AGPAT4: variants seen among roughly 807,000 people sequenced by gnomAD.
AGPAT4 encodes 1-acyl-sn-glycerol-3-phosphate acyltransferase delta.
AGPAT4 carries 15 observed loss-of-function variants against 48.0 expected under a neutral mutation model. The ratio of observed to expected loss-of-function variants is 0.31; its 90% confidence interval spans 0.21 to 0.48. The LOEUF (loss-of-function observed/expected upper bound fraction) is 0.48, where lower values mean the gene tolerates loss of function less well. Ranked by LOEUF, AGPAT4 falls within the 20% of genes least tolerant of loss-of-function variation. The probability of loss-of-function intolerance (pLI) is 0.99; values close to 1 mark genes in which losing one functional copy is unlikely to be tolerated. For synonymous variants in AGPAT4, 178 were observed against 198.7 expected (o/e 0.90, Z 0.88); for missense variants, 314 against 482.5 (o/e 0.65, Z 3.27).
At position 161,220,490 on chromosome 6, in the gene AGPAT4, G is replaced by A. The variant is rs886674875; in HGVS notation, c.178+11546C>T. ...CTAGAAGTATATGGAACAACAGAAC[G>A]GATGGCCTTGGTGAGATGACTTCAT... On this transcript the variant is annotated intron_variant, in intron 2 of 8. Coordinates refer to ENST00000320285, the MANE Select transcript of AGPAT4 (RefSeq NM_020133.3). The surrounding 1 kb of genome is among the most constrained non-coding windows in gnomAD (Gnocchi z 6.0). Among the ~76,000 whole-genome samples the A allele has an allele frequency of 3.9e-5, 6 of 152,132 alleles. No individual in the cohort carries two copies. The highest frequency in any genetic ancestry group is 1.9e-4 in the East Asian group (1 of 5,184).
chr6:161,206,463 G>A lies in AGPAT4; in HGVS notation c.178+25573C>T, dbSNP rs1781381268. Among the ~76,000 whole-genome samples the A allele has an allele frequency of 6.6e-6, 1 of 152,140 alleles. No homozygotes were observed. The highest frequency in any genetic ancestry group is 2.4e-5 in the African/African-American group (1 of 41,428). On this transcript the variant is annotated intron_variant, in intron 2 of 8. Coordinates refer to ENST00000320285, the MANE Select transcript of AGPAT4 (RefSeq NM_020133.3). This position sits in a 1 kb window ranked among gnomAD's most constrained non-coding sequence, Gnocchi z 4.8. ...AATGAGACACCCTTCTCCCATCCAG[G>A]TGTCACTGGGGGCAGAGTGGGGAAC... is the stretch of plus-strand genomic sequence containing the variant.
Position 161,208,027 on chromosome 6 carries a change from C to T in AGPAT4, c.178+24009G>A, listed in dbSNP as rs574221756. On this transcript the variant is annotated intron_variant, in intron 2 of 8. Transcript: ENST00000320285. This position sits in a 1 kb window ranked among gnomAD's most constrained non-coding sequence, Gnocchi z 4.6. ...CTTATGAGAGGTAGAACAATGAGAGCTGAGAGAGATGGTAATAACCCTTTC... is the reference window on the plus strand; with the variant it reads ...CTTATGAGAGGTAGAACAATGAGAGTTGAGAGAGATGGTAATAACCCTTTC... Among the ~76,000 whole-genome samples, 5 of 152,148 alleles carry T rather than the reference C, an allele frequency of 3.3e-5. No homozygotes were observed. In the South Asian group the frequency reaches 1.0e-3, roughly 32 times the overall value.
At chr6:161,183,496 T>C in intron 2 of AGPAT4, among the ~76,000 whole-genome samples, 1 of 150,888 alleles carries the variant, frequency 6.6e-6, no homozygotes, top group East Asian at 1.9e-4. Flanking sequence ...GGCGCATGCC[T>C]GTAATCCCAG....
chr6:161,224,657 A>AAG (rs1554237061), intron 2 of AGPAT4, among the ~76,000 whole-genome samples: 13 of 151,458 alleles, frequency 8.6e-5, no homozygotes, highest in African/African-American at 1.9e-4. Context: ...AAAAAAAAAA[A>AAG]AAAGAAAGAA....
rs1476971243 is a variant in AGPAT4 at position 161,137,560 on chromosome 6, G to GT, written c.1043-927dup. On this transcript the variant is annotated intron_variant, in intron 8 of 8. Transcript: ENST00000320285. The surrounding 1 kb of genome is among the most constrained non-coding windows in gnomAD (Gnocchi z 6.1). ...AAACTGGAGGGCTCCTGCATGGAGCGTAACAGTAACAGTGAGAGTGGAGTT... is the reference window on the plus strand; with the variant it reads ...AAACTGGAGGGCTCCTGCATGGAGCGTTAACAGTAACAGTGAGAGTGGAGTT... Among the ~76,000 whole-genome samples the GT allele has an allele frequency of 6.6e-6, 1 of 151,568 alleles. No individual in the cohort carries two copies. The highest frequency in any genetic ancestry group is 1.5e-5 in the Non-Finnish European group (1 of 68,026).
rs915080454 is a variant in AGPAT4 at position 161,226,838 on chromosome 6, C to G, written c.178+5198G>C. Among the ~76,000 whole-genome samples, 1 of 152,098 alleles carries G rather than the reference C, an allele frequency of 6.6e-6. No individual in the cohort carries two copies. Among genetic ancestry groups the G allele is most frequent in the African/African-American group, 2.4e-5 (1 of 41,394 alleles). ...AGGAGTTTCCCCAGCCCAGCAATGACAGCAAAATGAAAGTGCTGGCCCAGC... is the reference window on the plus strand; with the variant it reads ...AGGAGTTTCCCCAGCCCAGCAATGAGAGCAAAATGAAAGTGCTGGCCCAGC... On this transcript the variant is annotated intron_variant, in intron 2 of 8. Transcript: ENST00000320285. The surrounding 1 kb of genome is among the most constrained non-coding windows in gnomAD (Gnocchi z 6.3).
chr6:161,130,255 A>G lies in AGPAT4; in HGVS notation c.*6285T>C, dbSNP rs975641640. 6.6e-5 allele frequency: 10 copies of G among 152,512 alleles called. No homozygotes were observed. Among genetic ancestry groups the G allele is most frequent in the African/African-American group, 2.4e-4 (10 of 41,436 alleles). 9.4% of individuals were successfully genotyped at this position (152,512 alleles called of 1,614,324 possible). On this transcript the variant is annotated 3_prime_UTR_variant, in exon 9 of 9. Coordinates refer to ENST00000320285, the MANE Select transcript of AGPAT4 (RefSeq NM_020133.3). ...ATGGTTCTGTCCAATACCTTGCTCT[A>G]ATTCCAATTCATTCGTTCTCATAAC...
At position 161,138,012 on chromosome 6, in the gene AGPAT4, C is replaced by G. The variant is rs34232394; in HGVS notation, c.1043-1378G>C. ...GCCTTCATCCTGAAGGGGCCCCTCT[C>G]CAAGACGGCGTGGGTGTGTGTGTGC... On this transcript the variant is annotated intron_variant, in intron 8 of 8. Transcript: ENST00000320285. The surrounding 1 kb of genome is among the most constrained non-coding windows in gnomAD (Gnocchi z 4.8). 0.025 allele frequency among the ~76,000 whole-genome samples: 3,874 copies of G among 152,318 alleles called. 58 individuals carry two copies. The highest frequency in any genetic ancestry group is 0.042 in the South Asian group (205 of 4,830).
chr6:161,190,660 T>C (rs1453844346), intron 2 of AGPAT4, among the ~76,000 whole-genome samples: 3 of 151,596 alleles, frequency 2.0e-5, no homozygotes, highest in Non-Finnish European at 2.9e-5. Flanking sequence ...CATTCCACCT[T>C]AACTTCTGAA....
Position 161,142,683 on chromosome 6 carries a change from C to T in AGPAT4, c.844-3063G>A, listed in dbSNP as rs912823017. On this transcript the variant is annotated intron_variant, in intron 7 of 8. Coordinates refer to ENST00000320285, the MANE Select transcript of AGPAT4 (RefSeq NM_020133.3). This position sits in a 1 kb window ranked among gnomAD's most constrained non-coding sequence, Gnocchi z 6.4. ...GAACGGGAGGAAGAACAGGAAAGAA[C>T]GAAGAATAGAAGAGAAAGTTGAGGA... is the stretch of plus-strand genomic sequence containing the variant. Among the ~76,000 whole-genome samples, 3 of 152,112 alleles carry T rather than the reference C, an allele frequency of 2.0e-5. No individual in the cohort carries two copies. Among genetic ancestry groups the T allele is most frequent in the South Asian group, 2.1e-4 (1 of 4,832 alleles).
At chr6:161,258,363 T>C (rs2114745298) in intron 1 of AGPAT4, among the ~76,000 whole-genome samples, 2 of 152,330 alleles carry the variant, frequency 1.3e-5, no homozygotes, top group Middle Eastern at 6.8e-3. Context: ...ATTCTCCAAA[T>C]ACCTGAGAGT....
In AGPAT4 at chr6:161,251,144, G is replaced by A. The variant is rs191568976; in HGVS notation, c.-89-18842C>T. ...CTTATCCTGCAGAAAACTGATAAAT[G>A]TTCACTCATTTTATCTAGTTTTTCT... On this transcript the variant is annotated intron_variant, in intron 1 of 8. Coordinates refer to ENST00000320285, the MANE Select transcript of AGPAT4 (RefSeq NM_020133.3). This position sits in a 1 kb window ranked among gnomAD's most constrained non-coding sequence, Gnocchi z 4.6. 4.6e-5 allele frequency among the ~76,000 whole-genome samples: 7 copies of A among 152,206 alleles called. No individual in the cohort carries two copies. Among genetic ancestry groups the A allele is most frequent in the Admixed American group, 1.3e-4 (2 of 15,280 alleles).
chr6:161,242,426 A>G lies in AGPAT4; in HGVS notation c.-89-10124T>C, dbSNP rs1398738095. On this transcript the variant is annotated intron_variant, in intron 1 of 8. Transcript: ENST00000320285. The surrounding 1 kb of genome is among the most constrained non-coding windows in gnomAD (Gnocchi z 5.0). ...AGTATTTAAGCGACTTCCCTTTCAC[A>G]GTCAGTCCTGGGGAGCCTCAGTGGC... Among the ~76,000 whole-genome samples, 2 of 152,104 alleles carry G rather than the reference A, an allele frequency of 1.3e-5. No homozygotes were observed. Among genetic ancestry groups the G allele is most frequent in the Admixed American group, 1.3e-4 (2 of 15,278 alleles).
At chr6:161,145,637 G>A (rs1779397546) in intron 7 of AGPAT4, among the ~76,000 whole-genome samples, 2 of 151,598 alleles carry the variant, frequency 1.3e-5, no homozygotes, top group Non-Finnish European at 2.9e-5. Context: ...ATTCCCAAGT[G>A]TAGGTAGGGT....
intron 2 of AGPAT4, among the ~76,000 whole-genome samples, chr6:161,203,240 G>C (rs35267977): frequency 0.057 from 8,635 of 152,128 alleles, 361 homozygotes; most frequent in Non-Finnish European, 0.077. Flanking sequence ...CTAGGGCCTA[G>C]GGCTGTGTCT....
At chr6:161,174,255 A>G (rs1247443438) in intron 2 of AGPAT4, among the ~76,000 whole-genome samples, 1 of 151,988 alleles carries the variant, frequency 6.6e-6, no homozygotes, top group African/African-American at 2.4e-5. Context: ...CATTTTCACG[A>G]TATTTATTCT....
chr6:161,187,217 T>C (rs1305119411), intron 2 of AGPAT4, among the ~76,000 whole-genome samples: 1 of 152,250 alleles, frequency 6.6e-6, no homozygotes, highest in Non-Finnish European at 1.5e-5. Flanking sequence ...AACCTCTTGC[T>C]CCGCCTTCCA....
In AGPAT4 at chr6:161,148,994, C is replaced by T. The variant is rs570053467; in HGVS notation, c.767+193G>A. ...ACGAAAAAGCTGGTTACAGAGGATC[C>T]GGAAGGAGCTGGGACGGAAGGAGAC... is the stretch of plus-strand genomic sequence containing the variant. On this transcript the variant is annotated intron_variant, in intron 6 of 8. Transcript: ENST00000320285. The surrounding 1 kb of genome is among the most constrained non-coding windows in gnomAD (Gnocchi z 5.5). 1.2e-4 allele frequency among the ~76,000 whole-genome samples: 19 copies of T among 152,296 alleles called. No homozygotes were observed. The highest frequency in any genetic ancestry group is 4.3e-4 in the African/African-American group (18 of 41,568).
Position 161,134,834 on chromosome 6 carries a change from A to T in AGPAT4, c.*1706T>A, listed in dbSNP as rs1483892128. 2.6e-5 allele frequency: 4 copies of T among 152,286 alleles called. No homozygotes were observed. Among genetic ancestry groups the T allele is most frequent in the Non-Finnish European group, 5.9e-5 (4 of 68,102 alleles). The allele number at this position is 152,286 out of a possible 1,614,324, so 9.4% of individuals were successfully genotyped here. A position where few individuals can be genotyped will look rare whatever the true frequency, so the allele number is the denominator to read the frequency against. ...CACAGATCTCTGCACACGGTGCTTC[A>T]TGCCCTGTGCAGGGTGGGCAGATGT... On this transcript the variant is annotated 3_prime_UTR_variant, in exon 9 of 9. Coordinates refer to ENST00000320285, the MANE Select transcript of AGPAT4 (RefSeq NM_020133.3).
Sources: allele counts gnomAD v4.1 joint callset (sites outside exome capture counted in the v4.1 genomes callset), GRCh38; gene constraint gnomAD v4.1.1; non-coding constraint Gnocchi (gnomAD v3.1); transcripts MANE v1.5; gene names NCBI Gene and HGNC (gene_info 2026-07-23, HGNC 2026-07-21).